PTPRD: variants seen among roughly 807,000 people sequenced by gnomAD.
PTPRD encodes protein tyrosine phosphatase receptor type D, also known as receptor-type tyrosine-protein phosphatase delta.
In PTPRD, 34 loss-of-function variants were observed where a neutral mutation model predicts 214.5. The ratio of observed to expected loss-of-function variants is 0.16; its 90% CI spans 0.12 to 0.21. PTPRD has a LOEUF of 0.21. Ranked by LOEUF, PTPRD falls within the 10% of genes least tolerant of loss-of-function variation. The pLI, the probability that PTPRD is intolerant of heterozygous loss-of-function variation, is 1.00. For synonymous variants in PTPRD, 1,128 were observed against 845.7 expected (o/e 1.33, Z -5.79); for missense variants, 2,545 against 2,398.7 (o/e 1.06, Z -1.27).
intron 4 of PTPRD, among the ~76,000 whole-genome samples, chr9:9,972,194 G>T (rs766332583): frequency 1.3e-5 from 2 of 151,914 alleles, no homozygotes; most frequent in South Asian, 2.1e-4. Flanking sequence ...ATTATCAAGC[G>T]CATCTTAACA....
chr9:9,152,560 A>T (rs1263802059), intron 10 of PTPRD, among the ~76,000 whole-genome samples: 1 of 142,600 alleles, frequency 7.0e-6, no homozygotes, highest in East Asian at 1.9e-4. Flanking sequence ...GGAAAAAAAG[A>T]AAACGAAGTT....
intron 4 of PTPRD, among the ~76,000 whole-genome samples, chr9:9,944,094 C>T (rs2092146855): frequency 6.6e-6 from 1 of 152,132 alleles, no homozygotes; most frequent in South Asian, 2.1e-4. Flanking sequence ...AAAGGCTTAG[C>T]CTGTTAGTCA....
rs75590686 is a variant in PTPRD, at chr9:10,411,963, A to G, written c.-599-70946T>C. On this transcript the variant is annotated intron_variant, in intron 2 of 45. Transcript: ENST00000381196. ...AAAGTACTTAAATTGTTCTTAATAT[A>G]ACAAATATACTGTACTTCAAAATTA... Among the ~76,000 whole-genome samples, 1,355 of 151,948 alleles carry G rather than the reference A, an allele frequency of 8.9e-3. 15 individuals carry two copies. Among genetic ancestry groups the G allele is most frequent in the Non-Finnish European group, 0.015 (1,021 of 67,878 alleles).
At chr9:9,269,889 T>C (rs1942065661) in intron 9 of PTPRD, among the ~76,000 whole-genome samples, 1 of 151,156 alleles carries the variant, frequency 6.6e-6, no homozygotes, top group East Asian at 2.0e-4. Context: ...GGTCAAAGGG[T>C]ACAAACTTTC....
intron 10 of PTPRD, among the ~76,000 whole-genome samples, chr9:9,076,792 CTTT>C (rs34543317): frequency 1.4e-5 from 2 of 143,936 alleles, no homozygotes; most frequent in Non-Finnish European, 1.5e-5. Flanking sequence ...TGATAATTTC[CTTT>C]TTTTTTTTTT....
intron 11 of PTPRD, among the ~76,000 whole-genome samples, chr9:8,902,382 GCCC>G: frequency 7.4e-6 from 1 of 134,588 alleles, no homozygotes; most frequent in Non-Finnish European, 1.5e-5. Flanking sequence ...TTACTCTGTT[GCCC>G]AGGCTGGAGT....
At chr9:8,537,359 T>C (rs1381539307) in intron 14 of PTPRD, among the ~76,000 whole-genome samples, 3 of 152,018 alleles carry the variant, frequency 2.0e-5, no homozygotes, top group Non-Finnish European at 4.4e-5. Context: ...AACTGACAGT[T>C]AATACATGAC....
At chr9:8,322,684 A>T (rs1829628931) in intron 44 of PTPRD, among the ~76,000 whole-genome samples, 1 of 152,230 alleles carries the variant, frequency 6.6e-6, no homozygotes, top group Non-Finnish European at 1.5e-5. Flanking sequence ...CAGAAGCTGT[A>T]GCAAGTTATC....
intron 5 of PTPRD, among the ~76,000 whole-genome samples, chr9:9,928,665 G>A (rs1444779617): frequency 4.6e-5 from 7 of 151,530 alleles, no homozygotes; most frequent in Non-Finnish European, 4.4e-5. Context: ...TTGTAAACTC[G>A]ACTAGTGATA....
intron 3 of PTPRD, among the ~76,000 whole-genome samples, chr9:10,222,739 C>A (rs1224367556): frequency 1.3e-5 from 2 of 151,908 alleles, no homozygotes; most frequent in African/African-American, 4.8e-5. Context: ...CTATGCAATT[C>A]CTAATGGGTA....
Position 8,317,863 on chromosome 9 carries a change from G to A in PTPRD, c.*11C>T. 6.2e-7 allele frequency: 1 copy of A among 1,611,752 alleles called. No individual in the cohort carries two copies. On this transcript the variant is annotated 3_prime_UTR_variant, in exon 46 of 46. Transcript: ENST00000381196. ...GGCCTGTAGTAAAAATCCAGAATGG[G>A]TCAGGGGTTTCTACGTTGCATAGTG...
chr9:8,549,076 G>C (rs2081212623), intron 14 of PTPRD, among the ~76,000 whole-genome samples: 3 of 152,052 alleles, frequency 2.0e-5, no homozygotes, highest in East Asian at 3.9e-4. Flanking sequence ...TGCAGTGAAG[G>C]GGGACAAAGA....
intron 12 of PTPRD, among the ~76,000 whole-genome samples, chr9:8,656,814 G>T (rs1320965591): frequency 6.6e-6 from 1 of 152,130 alleles, no homozygotes; most frequent in East Asian, 1.9e-4. Context: ...AACTCATCCA[G>T]TTCCTTAGAT....
chr9:10,587,827 G>A (rs1245869333), intron 2 of PTPRD, among the ~76,000 whole-genome samples: 1 of 152,006 alleles, frequency 6.6e-6, no homozygotes, highest in African/African-American at 2.4e-5. Flanking sequence ...TCAGGAGTAG[G>A]TATAAGGGCT....
At position 10,283,964 on chromosome 9, in the gene PTPRD, T is replaced by C. The variant is rs185925595; in HGVS notation, c.-545+56999A>G. Among the ~76,000 whole-genome samples, 305 of 152,314 alleles carry C rather than the reference T, an allele frequency of 2.0e-3. 1 individual carries two copies. Among genetic ancestry groups the C allele is most frequent in the Non-Finnish European group, 3.1e-3 (213 of 68,022 alleles). On this transcript the variant is annotated intron_variant, in intron 3 of 45. Transcript: ENST00000381196. Reference sequence around the variant, plus strand: ...GATGGACTCCTATTCCAGTTCCTTCTCTCATGGTTTGTGAGACCCTGGCAA... The same window carrying C: ...GATGGACTCCTATTCCAGTTCCTTCCCTCATGGTTTGTGAGACCCTGGCAA...
chr9:9,367,207 A>G (rs1311220691), intron 9 of PTPRD, among the ~76,000 whole-genome samples: 1 of 151,526 alleles, frequency 6.6e-6, no homozygotes, highest in Non-Finnish European at 1.5e-5. Flanking sequence ...AAGTTTCTAC[A>G]AGGGAGAACT....
intron 10 of PTPRD, among the ~76,000 whole-genome samples, chr9:9,095,299 GA>G (rs1030440326): frequency 1.1e-4 from 17 of 151,500 alleles, no homozygotes; most frequent in African/African-American, 3.4e-4. Flanking sequence ...TAAATAGAAA[GA>G]AAAAAATAAA....
At chr9:9,739,824 T>C (rs771804390) in intron 6 of PTPRD, among the ~76,000 whole-genome samples, 1 of 152,080 alleles carries the variant, frequency 6.6e-6, no homozygotes, top group African/African-American at 2.4e-5. Context: ...TCTCTACATA[T>C]ATATATATAT....
At chr9:10,129,833 T>C (rs114889800) in intron 3 of PTPRD, among the ~76,000 whole-genome samples, 3,555 of 152,176 alleles carry the variant, frequency 0.023, 123 homozygotes, top group African/African-American at 0.08. Context: ...AATCAATAAT[T>C]ATTATCTCTA....
Sources: allele counts gnomAD v4.1 joint callset (sites outside exome capture counted in the v4.1 genomes callset), GRCh38; gene constraint gnomAD v4.1.1; transcripts MANE v1.5; gene names NCBI Gene and HGNC (gene_info 2026-07-23, HGNC 2026-07-21).